Variants in SMURF2 observed in about 807,000 individuals in gnomAD.
SMURF2 encodes the protein E3 ubiquitin-protein ligase SMURF2.
SMURF2 carries 48 observed loss-of-function variants against 109.6 expected under a neutral mutation model. The ratio of observed to expected loss-of-function variants is 0.44; its 90% CI spans 0.35 to 0.56. The LOEUF is 0.56. Among genes scored for constraint, SMURF2 ranks in the 20% least tolerant of loss-of-function variants. The pLI is 0.01. For synonymous variants in SMURF2, 288 were observed against 317.1 expected (o/e 0.91, Z 0.97); for missense variants, 575 against 909.0 (o/e 0.63, Z 4.72).
chr17:64,639,792 C>T (rs1201872422), intron 1 of SMURF2, among the ~76,000 whole-genome samples: 1 of 152,112 alleles, frequency 6.6e-6, no homozygotes, highest in Non-Finnish European at 1.5e-5. Flanking sequence ...TCAAGAAATA[C>T]TTCCCAAGTA....
chr17:64,633,602 T>TAGC (rs1970376250), intron 1 of SMURF2, among the ~76,000 whole-genome samples: 1 of 152,208 alleles, frequency 6.6e-6, no homozygotes, highest in Admixed American at 6.5e-5. Context: ...AGGATTCAAC[T>TAGC]AGCATCATTG....
At chr17:64,625,174 A>C (rs1555691057) in intron 1 of SMURF2, among the ~76,000 whole-genome samples, 4 of 152,188 alleles carry the variant, frequency 2.6e-5, no homozygotes, top group African/African-American at 9.7e-5. Flanking sequence ...GCCAGGCCAC[A>C]CACCTTCCCC....
At position 64,661,833 on chromosome 17, in the gene SMURF2, C is replaced by T. The variant is rs1469824220; in HGVS notation, c.48G>A (p.Leu16=). 1.7e-5 allele frequency: 21 copies of T among 1,222,762 alleles called. No homozygotes were observed. Among genetic ancestry groups the T allele is most frequent in the Non-Finnish European group, 2.1e-5 (21 of 982,338 alleles). The allele number at this position is 1,222,762 out of a possible 1,614,324, so 75.7% of individuals were successfully genotyped here. Residue 16 remains leucine (L), a synonymous_variant, in exon 1 of 19, where the codon CTG becomes CTA. Coordinates refer to ENST00000262435, the MANE Select transcript of SMURF2 (RefSeq NM_022739.4). ...GRRNGPVKLR[L]TVLCAKNLVK... is the part of the protein sequence containing the mutation. ...CGGCCCGCCGCCCCCCCTCACCTGTCAGGCGCAGCTTGACGGGCCCGTTCC... is the reference window on the plus strand; with the variant it reads ...CGGCCCGCCGCCCCCCCTCACCTGTTAGGCGCAGCTTGACGGGCCCGTTCC...
At chr17:64,601,453 A>G (rs1296366271) in intron 2 of SMURF2, among the ~76,000 whole-genome samples, 1 of 152,234 alleles carries the variant, frequency 6.6e-6, no homozygotes, top group Admixed American at 6.5e-5. Flanking sequence ...AAAAATGCTC[A>G]GCATCACTAA....
chr17:64,621,300 C>A (rs1598300141), intron 1 of SMURF2, among the ~76,000 whole-genome samples: 1 of 152,252 alleles, frequency 6.6e-6, no homozygotes, highest in South Asian at 2.1e-4. Flanking sequence ...GCACTGTAGG[C>A]TGGGCGTGCT....
At chr17:64,584,491 T>C (rs1387735093) in intron 6 of SMURF2, among the ~76,000 whole-genome samples, 3 of 150,952 alleles carry the variant, frequency 2.0e-5, no homozygotes, top group Non-Finnish European at 4.4e-5. Context: ...CCTGAGTAGC[T>C]GGGACTACAG....
chr17:64,573,805 A>G (rs930306938), intron 9 of SMURF2, among the ~76,000 whole-genome samples: 1 of 152,176 alleles, frequency 6.6e-6, no homozygotes, highest in Non-Finnish European at 1.5e-5. Context: ...ACCGGCCCCA[A>G]ATAGATTTTT....
intron 1 of SMURF2, among the ~76,000 whole-genome samples, chr17:64,612,139 T>C (rs1445293825): frequency 6.6e-6 from 1 of 152,184 alleles, no homozygotes; most frequent in Non-Finnish European, 1.5e-5. Flanking sequence ...CACATTTTAC[T>C]GTTCTCGTTT....
At chr17:64,652,691 G>T (rs1287962409) in intron 1 of SMURF2, among the ~76,000 whole-genome samples, 1 of 152,044 alleles carries the variant, frequency 6.6e-6, no homozygotes, top group Non-Finnish European at 1.5e-5. Context: ...TTGCCATGTT[G>T]GCCAGGCTGG....
intron 2 of SMURF2, among the ~76,000 whole-genome samples, chr17:64,602,045 G>T (rs550125996): frequency 6.6e-6 from 1 of 151,960 alleles, no homozygotes; most frequent in East Asian, 1.9e-4. Flanking sequence ...GATAAAATTG[G>T]AGACTATTAT....
intron 6 of SMURF2, among the ~76,000 whole-genome samples, chr17:64,584,362 T>C (rs1483039591): frequency 1.8e-5 from 2 of 110,852 alleles, no homozygotes; most frequent in Admixed American, 8.1e-5. Context: ...TTTTTTTTTC[T>C]TTTTTTTTTT....
chr17:64,578,438 C>A, intron 9 of SMURF2, 54 bp downstream of exon 9: 2 of 1,172,740 alleles, frequency 1.7e-6, no homozygotes, highest in Non-Finnish European at 1.2e-6. Flanking sequence ...TCAAAGAAAT[C>A]CTAGGTGAAA....
At chr17:64,655,633 T>A (rs1333554530) in intron 1 of SMURF2, among the ~76,000 whole-genome samples, 1 of 151,410 alleles carries the variant, frequency 6.6e-6, no homozygotes, top group Non-Finnish European at 1.5e-5. Flanking sequence ...CCAAAACAAA[T>A]GAAAAGAAAT....
chr17:64,652,160 A>G (rs1970648152), intron 1 of SMURF2, among the ~76,000 whole-genome samples: 1 of 152,246 alleles, frequency 6.6e-6, no homozygotes, highest in African/African-American at 2.4e-5. Context: ...TGTAAGGTTC[A>G]TAATAGAAAT....
At position 64,562,888 on chromosome 17, in the gene SMURF2, G is replaced by A; in HGVS notation, c.1095C>T (p.Val365=). The change falls in exon 11 of 19, where the codon GTC becomes GTT. Residue 365 remains valine, a synonymous_variant. Coordinates refer to ENST00000262435, the MANE Select transcript of SMURF2 (RefSeq NM_022739.4). The stretch of plus-strand genomic sequence containing the variant: ...GAACCAGGTCTCGCTTGTACCTTGG[G>A]ACTGTCAGGCATTCTGTGTCATCAG... ...LCPDDTECLT[V]PRYKRDLVQK... The A allele has an allele frequency of 6.2e-7, 1 of 1,614,180 alleles. No homozygotes were observed. The highest frequency in any genetic ancestry group is 1.1e-5 in the South Asian group (1 of 91,088).
intron 1 of SMURF2, among the ~76,000 whole-genome samples, chr17:64,657,795 T>C (rs1349115369): frequency 6.6e-6 from 1 of 151,618 alleles, no homozygotes; most frequent in African/African-American, 2.4e-5. Flanking sequence ...CTGAGTTATG[T>C]TAAATGAGAT....
intron 2 of SMURF2, among the ~76,000 whole-genome samples, chr17:64,603,346 C>A (rs1969923149): frequency 6.6e-6 from 1 of 152,070 alleles, no homozygotes; most frequent in Non-Finnish European, 1.5e-5. Flanking sequence ...CTTTGAGAGG[C>A]CGAGGCAGGC....
At chr17:64,640,467 C>G (rs1970479200) in intron 1 of SMURF2, among the ~76,000 whole-genome samples, 1 of 152,114 alleles carries the variant, frequency 6.6e-6, no homozygotes, top group African/African-American at 2.4e-5. Flanking sequence ...TCAACAGGGG[C>G]AGATTATATA....
At chr17:64,566,060 G>A (rs1470754627) in intron 10 of SMURF2, among the ~76,000 whole-genome samples, 1 of 151,830 alleles carries the variant, frequency 6.6e-6, no homozygotes, top group African/African-American at 2.4e-5. Flanking sequence ...ATATTTGACG[G>A]CTCATAGACA....
Sources: allele counts gnomAD v4.1 joint callset (sites outside exome capture counted in the v4.1 genomes callset), GRCh38; gene constraint gnomAD v4.1.1; transcripts MANE v1.5; gene names NCBI Gene and HGNC (gene_info 2026-07-23, HGNC 2026-07-21).